RAB40C: variants seen among roughly 807,000 people sequenced by gnomAD.
RAB40C encodes ras-related protein Rab-40C.
Under a neutral mutation model 28.1 loss-of-function variants are expected in RAB40C, and 8 were observed. The ratio of observed to expected loss-of-function variants is 0.28; its 90% CI spans 0.17 to 0.51. The LOEUF (loss-of-function observed/expected upper bound fraction) is 0.51, where lower values mean the gene tolerates loss of function less well. RAB40C is among the 20% of genes least tolerant of loss of function. RAB40C has a pLI of 0.97. For synonymous variants in RAB40C, 201 were observed against 171.7 expected, an observed-to-expected ratio of 1.17 and a Z score of -1.34; for missense variants, 288 against 405.9, an observed-to-expected ratio of 0.71 and a Z score of 2.50.
intron 3 of RAB40C, among the ~76,000 whole-genome samples, chr16:621,099 T>C (rs1283423757): frequency 6.6e-6 from 1 of 152,250 alleles, no homozygotes; most frequent in Non-Finnish European, 1.5e-5. Flanking sequence ...ATTTTCCACA[T>C]GCGAGGAGCA....
In RAB40C at chr16:625,907, C is replaced by CG; in HGVS notation, c.353dup (p.Val119SerfsTer36). On this transcript the variant is annotated frameshift_variant, in exon 5 of 6. Transcript: ENST00000248139. LOFTEE classifies it high-confidence loss of function. ...GAGTTCTGTGCCCCCAGCATGCACC[C>CG]GGAGTCCCCCGGATCTTGGTTGGAA... 8.1e-6 allele frequency: 13 copies of CG among 1,612,194 alleles called. No individual in the cohort carries two copies. The highest frequency in any genetic ancestry group is 1.1e-5 in the Non-Finnish European group (13 of 1,179,504).
chr16:626,261 G>T (rs763015), intron 5 of RAB40C, 140 bp downstream of exon 5: 8 of 807,190 alleles, frequency 9.9e-6, no homozygotes, highest in African/African-American at 1.7e-5. Context: ...CTCGGCCGGC[G>T]GCAGGTCAGT....
intron 1 of RAB40C, among the ~76,000 whole-genome samples, chr16:606,984 C>T (rs531815909): frequency 2.6e-5 from 4 of 152,334 alleles, no homozygotes; most frequent in South Asian, 2.1e-4. Flanking sequence ...GGTGGCAGGC[C>T]GGCCCAGACA....
intron 1 of RAB40C, among the ~76,000 whole-genome samples, chr16:609,150 G>A (rs1239348951): frequency 6.6e-6 from 1 of 152,196 alleles, no homozygotes; most frequent in Non-Finnish European, 1.5e-5. Context: ...TGATAGGTGA[G>A]AGAGGTTTGA....
chr16:589,739 G>T, upstream of RAB40C: 1 of 152,346 alleles, frequency 6.6e-6, no homozygotes, highest in Non-Finnish European at 1.5e-5. Context: ...CAATGGTTCC[G>T]GGAAAGCAGG....
chr16:590,324 C>T lies in RAB40C; in HGVS notation c.33C>T (p.Tyr11=), dbSNP rs773289996. The T allele has an allele frequency of 1.3e-6, 2 of 1,590,572 alleles. No individual in the cohort carries two copies. Among genetic ancestry groups the T allele is most frequent in the Non-Finnish European group, 1.7e-6 (2 of 1,170,572 alleles). Residue 11 remains tyrosine (Y), a synonymous_variant, in exon 1 of 6, where the codon TAC becomes TAT. Coordinates refer to ENST00000248139, the MANE Select transcript of RAB40C (RefSeq NM_021168.5). MGSQGSPVKS[Y]DYLLKFLLVG... ...CGCAGGGCAGTCCGGTGAAGAGCTA[C>T]GACTACCTGCTCAAGTTCCTGCTGG...
chr16:627,329 C>T lies in RAB40C; in HGVS notation c.566-13C>T, dbSNP rs1213053396. On this transcript the variant is annotated splice_polypyrimidine_tract_variant and intron_variant, in intron 5 of 5. Transcript: ENST00000248139. ...CCACAGCCCCATGGTCTGACACCCCCTCTGCCCCACAGTGTTCAGCCTGCA... is the reference window on the plus strand; with the variant it reads ...CCACAGCCCCATGGTCTGACACCCCTTCTGCCCCACAGTGTTCAGCCTGCA... 6.2e-6 allele frequency: 10 copies of T among 1,608,478 alleles called. No homozygotes were observed. The highest frequency in any genetic ancestry group is 5.9e-6 in the Non-Finnish European group (7 of 1,177,222).
intron 1 of RAB40C, among the ~76,000 whole-genome samples, chr16:603,232 A>C (rs1490706164): frequency 6.6e-6 from 1 of 152,258 alleles, no homozygotes. Context: ...GCAGGAAACC[A>C]GTCCACAAAC....
intron 3 of RAB40C, chr16:624,181 C>CTTGCCATGCGGGAGG (rs560070497): frequency 1.0e-6 from 1 of 985,408 alleles, no homozygotes; most frequent in Non-Finnish European, 1.2e-6. Flanking sequence ...GAGTTGTGGG[C>CTTGCCATGCGGGAGG]TTGCCATGCG....
intron 1 of RAB40C, among the ~76,000 whole-genome samples, chr16:604,095 C>G (rs1490214268): frequency 5.3e-5 from 8 of 149,976 alleles, no homozygotes; most frequent in Non-Finnish European, 1.2e-4. Flanking sequence ...GTTCTGTTGC[C>G]CCAGCTGGAG....
intron 1 of RAB40C, among the ~76,000 whole-genome samples, chr16:604,917 G>A (rs529638944): frequency 1.3e-5 from 2 of 152,296 alleles, no homozygotes; most frequent in South Asian, 2.1e-4. Context: ...AAGTTAGCCT[G>A]GTGTGGTGGT....
intron 1 of RAB40C, among the ~76,000 whole-genome samples, chr16:602,965 C>T (rs1459567705): frequency 6.6e-6 from 1 of 152,168 alleles, no homozygotes; most frequent in Non-Finnish European, 1.5e-5. Flanking sequence ...ATGGGATCTG[C>T]TCCTTAAAAG....
chr16:590,337 A>G lies in RAB40C; in HGVS notation c.46A>G (p.Lys16Glu). The change falls in exon 1 of 6, where the codon AAG becomes GAG. Residue 16 changes from lysine to glutamate, a missense_variant. Lys to Glu is a moderately conservative substitution (Grantham distance 56). Transcript: ENST00000248139. Reference protein sequence around the residue: ...SPVKSYDYLLKFLLVGDSDVG... With the variant: ...SPVKSYDYLLEFLLVGDSDVG... ...GGTGAAGAGCTACGACTACCTGCTCAAGTTCCTGCTGGTGGGCGACAGCGA... is the reference window on the plus strand; with the variant it reads ...GGTGAAGAGCTACGACTACCTGCTCGAGTTCCTGCTGGTGGGCGACAGCGA... The G allele has an allele frequency of 6.3e-7, 1 of 1,595,014 alleles. No individual in the cohort carries two copies. Among genetic ancestry groups the G allele is most frequent in the East Asian group, 2.3e-5 (1 of 42,882 alleles).
intron 1 of RAB40C, among the ~76,000 whole-genome samples, chr16:607,843 GAAAAA>G (rs1166676810): frequency 6.6e-6 from 1 of 152,068 alleles, no homozygotes; most frequent in African/African-American, 2.4e-5. Flanking sequence ...AGACAAAAAA[GAAAAA>G]GAAAAGAAAA....
chr16:596,912 A>G (rs936462721), intron 1 of RAB40C, among the ~76,000 whole-genome samples: 4 of 152,336 alleles, frequency 2.6e-5, no homozygotes, highest in East Asian at 1.9e-4. Flanking sequence ...ACTCTGATAC[A>G]GGCAGTGCGC....
chr16:618,060 C>A, intron 2 of RAB40C, 140 bp from the exon 3 acceptor site: 1 of 742,524 alleles, frequency 1.3e-6, no homozygotes, highest in Non-Finnish European at 2.2e-6. Flanking sequence ...CAGACAAAGC[C>A]GCTTAGCACA....
intron 3 of RAB40C, among the ~76,000 whole-genome samples, chr16:620,363 A>T (rs1333079385): frequency 6.8e-6 from 1 of 147,810 alleles, no homozygotes; most frequent in Non-Finnish European, 1.5e-5. Context: ...ATTGCACGCC[A>T]ACCTGGGCGA....
chr16:602,515 G>A (rs777681427), intron 1 of RAB40C, among the ~76,000 whole-genome samples: 9 of 152,030 alleles, frequency 5.9e-5, no homozygotes, highest in East Asian at 1.9e-4. Context: ...TCACTGCAAC[G>A]TCTGCCTCCT....
chr16:603,772 G>GTCAGCCC (rs1403996746), intron 1 of RAB40C, among the ~76,000 whole-genome samples: 1 of 133,014 alleles, frequency 7.5e-6, no homozygotes, highest in Non-Finnish European at 1.6e-5. Context: ...GCCCTGCCGA[G>GTCAGCCC]TCAGCCCCCA....
Sources: allele counts gnomAD v4.1 joint callset (sites outside exome capture counted in the v4.1 genomes callset), GRCh38; gene constraint gnomAD v4.1.1; transcripts MANE v1.5; gene names NCBI Gene and HGNC (gene_info 2026-07-23, HGNC 2026-07-21).